The following PIWIL1 variants were observed in gnomAD, a reference collection of about 807,000 sequenced individuals.
PIWIL1 encodes the protein piwi like RNA-mediated gene silencing 1, also known as piwi-like protein 1.
A neutral mutation model predicts 114.4 loss-of-function variants in PIWIL1; 73 were observed. The ratio of observed to expected loss-of-function variants is 0.64; its 90% CI spans 0.53 to 0.78. The LOEUF (loss-of-function observed/expected upper bound fraction) is 0.78. PIWIL1 is among the 30% of genes least tolerant of loss of function. The pLI is 0.00. For missense variants in PIWIL1, 723 were observed against 1,063.1 expected (o/e 0.68, Z 4.45); for synonymous variants, 375 against 369.0 (o/e 1.02, Z -0.19).
chr12:130,420,775 G>GCACC, the PIWIL1 span: 1 of 152,146 alleles, frequency 6.6e-6, no homozygotes, highest in African/African-American at 2.4e-5. The surrounding 1 kb of genome is among the most constrained non-coding windows in gnomAD (Gnocchi z 4.3). Flanking sequence ...GGTCACCCTG[G>GCACC]CAAGACTGCA....
chr12:130,412,834 C>A, the PIWIL1 span: 1 of 1,545,570 alleles, frequency 6.5e-7, no homozygotes, highest in Non-Finnish European at 8.8e-7. Flanking sequence ...TTGATTGGTT[C>A]AGAAATACAA....
chr12:130,397,747 T>C, the PIWIL1 span: 19 of 375,274 alleles, frequency 5.1e-5, no homozygotes, highest in East Asian at 2.7e-4. Context: ...CATAAATGTG[T>C]GGGTTCCGTT....
At chr12:130,424,705 A>ACGGC in the PIWIL1 span, 2 of 1,231,650 alleles carry the variant, frequency 1.6e-6, no homozygotes, top group African/African-American at 3.1e-5. The surrounding 1 kb of genome is among the most constrained non-coding windows in gnomAD (Gnocchi z 9.8). Flanking sequence ...GCCCTGGGGG[A>ACGGC]CGGCCCTGCA....
At chr12:130,399,206 A>AAATAT in the PIWIL1 span, 1 of 1,125,620 alleles carries the variant, frequency 8.9e-7, no homozygotes, top group Non-Finnish European at 1.2e-6. Flanking sequence ...ATATATATAA[A>AAATAT]AATATAATAT....
At chr12:130,414,408 C>A in the PIWIL1 span, 1 of 1,222,440 alleles carries the variant, frequency 8.2e-7, no homozygotes. Context: ...GCAGCGGTTC[C>A]TTGACTTTTG....
chr12:130,392,117 T>G, the PIWIL1 span, among the ~76,000 whole-genome samples: 1 of 60,086 alleles, frequency 1.7e-5, no homozygotes, highest in Admixed American at 1.7e-4. Context: ...AACGTTGTGA[T>G]GACCCGGTCA....
intron 12 of PIWIL1, among the ~76,000 whole-genome samples, chr12:130,356,285 ATTTTT>A (rs200936813): frequency 7.1e-6 from 1 of 141,736 alleles, no homozygotes; most frequent in Non-Finnish European, 1.6e-5. Flanking sequence ...CAACATTTTC[ATTTTT>A]TTTTTTTTTT....
At chr12:130,366,857 G>T (rs1001747488) in intron 18 of PIWIL1, among the ~76,000 whole-genome samples, 12 of 152,082 alleles carry the variant, frequency 7.9e-5, no homozygotes, top group Non-Finnish European at 1.8e-4. Flanking sequence ...TAACATTTTG[G>T]TGTGATTGGT....
At chr12:130,362,647 C>A in intron 16 of PIWIL1, 119 bp from the exon 17 acceptor site, 2 of 826,926 alleles carry the variant, frequency 2.4e-6, no homozygotes, top group Non-Finnish European at 3.9e-6. Flanking sequence ...TAACAGATGT[C>A]TTTAAGGCAG....
intron 1 of PIWIL1, among the ~76,000 whole-genome samples, chr12:130,338,807 C>T (rs1211941139): frequency 1.1e-5 from 1 of 91,300 alleles, no homozygotes. Flanking sequence ...GGGTGCGGGG[C>T]CGGGGGGAAG....
chr12:130,340,034 C>A (rs1365399997), intron 1 of PIWIL1, among the ~76,000 whole-genome samples: 1 of 152,130 alleles, frequency 6.6e-6, no homozygotes, highest in Non-Finnish European at 1.5e-5. Context: ...GTTGGAGAAG[C>A]TATGGAGTGC....
downstream of PIWIL1, among the ~76,000 whole-genome samples, chr12:130,372,861 T>G (rs2073839206): frequency 6.6e-6 from 1 of 152,170 alleles, no homozygotes; most frequent in Admixed American, 6.5e-5. Context: ...TTAAAATTAA[T>G]GAATTATTGT....
rs7311873 is a variant in PIWIL1 at position 130,362,700 on chromosome 12, T to C, written c.1971-66T>C. The C allele has an allele frequency of 0.024, 33,128 of 1,370,420 alleles. 5,986 individuals carry two copies. In the African/African-American group the frequency reaches 0.4, roughly 17 times the overall value. 84.9% of individuals were successfully genotyped at this position (1,370,420 alleles called of 1,614,324 possible). On this transcript the variant is annotated intron_variant, in intron 16 of 20. Transcript: ENST00000245255. Reference sequence around the variant, plus strand: ...TGCTAAGAGTGAAATAAATATAGAATAATTCAGAAAGGAAAAATTGATAGA... The same window carrying C: ...TGCTAAGAGTGAAATAAATATAGAACAATTCAGAAAGGAAAAATTGATAGA...
At chr12:130,397,472 T>A in the PIWIL1 span, 1 of 398,918 alleles carries the variant, frequency 2.5e-6, no homozygotes, top group Non-Finnish European at 4.4e-6. Context: ...AACCCATAGA[T>A]GACGTAGGTG....
At chr12:130,389,773 T>A in the PIWIL1 span, among the ~76,000 whole-genome samples, 1 of 152,198 alleles carries the variant, frequency 6.6e-6, no homozygotes, top group Non-Finnish European at 1.5e-5. Context: ...TTTTCTTCAG[T>A]TATCTTTTCT....
the PIWIL1 span, among the ~76,000 whole-genome samples, chr12:130,409,079 GA>G: frequency 1.1e-4 from 16 of 152,154 alleles, no homozygotes; most frequent in Non-Finnish European, 1.9e-4. Flanking sequence ...TATGACTTTT[GA>G]AAGGTGGCAT....
At chr12:130,344,644 A>G (rs570332686) in intron 3 of PIWIL1, among the ~76,000 whole-genome samples, 1 of 152,288 alleles carries the variant, frequency 6.6e-6, no homozygotes, top group Non-Finnish European at 1.5e-5. Flanking sequence ...CTGGACTCTG[A>G]TCTTTTTGTT....
rs370312089 is a variant in PIWIL1 at position 130,346,001 on chromosome 12, ACTTT to A, written c.316+128_316+131del. 46 of 708,616 alleles carry A rather than the reference ACTTT, an allele frequency of 6.5e-5. 2 individuals are homozygous for A. In the African/African-American group the frequency reaches 7.4e-4, roughly 11 times the overall value. 43.9% of individuals were successfully genotyped at this position (708,616 alleles called of 1,614,324 possible). Reference sequence around the variant, plus strand: ...CCTGCATGGCTTTTCGATTTTCCTCACTTTCTTTTGGCGTTGATGAAGTAGGTTA... The same window carrying A: ...CCTGCATGGCTTTTCGATTTTCCTCACTTTTGGCGTTGATGAAGTAGGTTA... On this transcript the variant is annotated intron_variant, in intron 4 of 20. Coordinates refer to ENST00000245255, the MANE Select transcript of PIWIL1 (RefSeq NM_004764.5).
rs2073171188 is a variant in PIWIL1 at position 130,349,973 on chromosome 12, A to G, written c.1044+6A>G. ...TCTTAGAATACTACAGGAAGGTAAGATGCCAGTGGTTAGATCTCAGGAGAA... is the reference window on the plus strand; with the variant it reads ...TCTTAGAATACTACAGGAAGGTAAGGTGCCAGTGGTTAGATCTCAGGAGAA... On this transcript the variant is annotated splice_donor_region_variant and intron_variant, in intron 9 of 20. Transcript: ENST00000245255. 6.6e-7 allele frequency: 1 copy of G among 1,512,696 alleles called. No individual in the cohort carries two copies. Among genetic ancestry groups the G allele is most frequent in the Admixed American group, 1.8e-5 (1 of 56,748 alleles). The allele number at this position is 1,512,696 out of a possible 1,614,324, so 93.7% of individuals were successfully genotyped here.
Sources: allele counts gnomAD v4.1 joint callset (sites outside exome capture counted in the v4.1 genomes callset), GRCh38; gene constraint gnomAD v4.1.1; non-coding constraint Gnocchi (gnomAD v3.1); transcripts MANE v1.5; gene names NCBI Gene and HGNC (gene_info 2026-07-23, HGNC 2026-07-21).